SH3KBP1: variants seen among roughly 807,000 people sequenced by gnomAD.
SH3KBP1 encodes SH3 domain-containing kinase-binding protein 1.
In SH3KBP1, 8 loss-of-function variants were observed where a neutral mutation model predicts 50.1. The observed-to-expected ratio is 0.16, with a 90% CI of 0.09 to 0.29. The LOEUF is 0.29. Ranked by LOEUF, SH3KBP1 falls within the 10% of genes least tolerant of loss-of-function variation. SH3KBP1 has a pLI of 1.00. For missense variants in SH3KBP1, 377 were observed against 535.2 expected (o/e 0.70, Z 2.92); for synonymous variants, 227 against 218.6 (o/e 1.04, Z -0.34).
intron 13 of SH3KBP1, among the ~76,000 whole-genome samples, chrX:19,564,303 A>G (rs898205444): frequency 8.9e-6 from 1 of 112,023 alleles, no homozygotes; most frequent in Non-Finnish European, 1.9e-5. Context: ...TGTTGTGTTA[A>G]TGGTCGCTAT....
Position 19,546,059 on chromosome X carries a change from G to A in SH3KBP1, c.1495-9C>T, listed in dbSNP as rs781057846. ...GGGCTTGAAAGGGATGACTGATAAA[G>A]CCAAAAGAAAATGCTTTTGTCAGAA... On this transcript the variant is annotated splice_polypyrimidine_tract_variant and intron_variant, in intron 14 of 17. Coordinates refer to ENST00000397821, the MANE Select transcript of SH3KBP1 (RefSeq NM_031892.3). 8.3e-6 allele frequency: 10 copies of A among 1,210,268 alleles called. No individual in the cohort carries two copies. The South Asian group carries it at 1.6e-4, about 19-fold the overall frequency.
rs779417470 is a variant in SH3KBP1, at chrX:19,836,222, A to G, written c.65T>C (p.Val22Ala). ...AQHDDELTIS[V>A]GEIITNIRKE... ...CCTGATGTTGGTGATGATTTCACCC[A>G]CGCTGATCGTCAGCTCATCATCGTG... The change falls in exon 2 of 18, where the codon GTG (valine) becomes GCG (alanine). Residue 22 changes from valine to alanine, a missense_variant. By Grantham distance (64) the Val-to-Ala change is moderately conservative. Transcript: ENST00000397821. 8.3e-7 allele frequency: 1 copy of G among 1,208,682 alleles called. No individual in the cohort carries two copies. The highest frequency in any genetic ancestry group is 1.1e-6 in the Non-Finnish European group (1 of 894,405).
At chrX:19,827,388 T>C (rs1353354730) in intron 2 of SH3KBP1, among the ~76,000 whole-genome samples, 5 of 111,964 alleles carry the variant, frequency 4.5e-5, no homozygotes. Context: ...GCCTTCCACA[T>C]GTCTATCTGT....
intron 2 of SH3KBP1, among the ~76,000 whole-genome samples, chrX:19,751,917 G>A (rs7892351): frequency 0.029 from 3,270 of 112,372 alleles, 127 homozygotes; most frequent in African/African-American, 0.1. Context: ...TTTCTGATAA[G>A]CTGCGTTGCC....
At chrX:19,880,306 T>C (rs755077260) in intron 1 of SH3KBP1, among the ~76,000 whole-genome samples, 23 of 112,576 alleles carry the variant, frequency 2.0e-4, no homozygotes, top group African/African-American at 5.8e-4. Context: ...TCCATAGTCG[T>C]GGAGAATTGC....
intron 6 of SH3KBP1, among the ~76,000 whole-genome samples, chrX:19,654,244 A>G (rs1471552280): frequency 1.8e-5 from 2 of 111,554 alleles, no homozygotes; most frequent in East Asian, 5.6e-4. Context: ...ACCTCTAGAG[A>G]CCATGTTCTA....
In SH3KBP1 at chrX:19,701,453, C is replaced by T. The variant is rs528044135; in HGVS notation, c.390+5428G>A. 1.3e-4 allele frequency among the ~76,000 whole-genome samples: 15 copies of T among 111,243 alleles called. No individual in the cohort carries two copies. In the South Asian group the frequency reaches 5.4e-3, roughly 40 times the overall value. ...ACCAGCACCTGCTTTCTATACTCTACACCTAAAGTATTAGGGGAGGTCTGC... is the reference window on the plus strand; with the variant it reads ...ACCAGCACCTGCTTTCTATACTCTATACCTAAAGTATTAGGGGAGGTCTGC... On this transcript the variant is annotated intron_variant, in intron 4 of 17. Coordinates refer to ENST00000397821, the MANE Select transcript of SH3KBP1 (RefSeq NM_031892.3).
At chrX:19,699,752 C>A (rs948533339) in intron 4 of SH3KBP1, among the ~76,000 whole-genome samples, 4 of 111,940 alleles carry the variant, frequency 3.6e-5, no homozygotes, top group African/African-American at 1.3e-4. Context: ...GGAGATTGGG[C>A]AAACACCTGG....
chrX:19,626,081 G>C (rs1190593778), intron 8 of SH3KBP1, among the ~76,000 whole-genome samples: 1 of 111,868 alleles, frequency 8.9e-6, no homozygotes, highest in African/African-American at 3.3e-5. Flanking sequence ...GAATGGTGAT[G>C]ATGGTCCCGG....
intron 1 of SH3KBP1, among the ~76,000 whole-genome samples, chrX:19,850,207 CAG>C (rs1245673436): frequency 2.7e-5 from 3 of 111,106 alleles, no homozygotes; most frequent in East Asian, 5.6e-4. Context: ...CTTTTAGAGA[CAG>C]AGTCTTGCTC....
chrX:19,847,500 C>G (rs2068395458), intron 1 of SH3KBP1, among the ~76,000 whole-genome samples: 1 of 111,794 alleles, frequency 8.9e-6, no homozygotes, highest in Non-Finnish European at 1.9e-5. Context: ...GGGATAAAAG[C>G]AGAAGATAAC....
At chrX:19,839,651 T>C (rs888026826) in intron 1 of SH3KBP1, among the ~76,000 whole-genome samples, 1 of 112,564 alleles carries the variant, frequency 8.9e-6, no homozygotes, top group African/African-American at 3.2e-5. Context: ...TAAGTAATCA[T>C]GCACAGCCTC....
chrX:19,805,254 C>A (rs999445267), intron 2 of SH3KBP1, among the ~76,000 whole-genome samples: 1 of 110,713 alleles, frequency 9.0e-6, no homozygotes, highest in Admixed American at 9.7e-5. Context: ...TGCATTACTG[C>A]GCATGTTTAA....
intron 1 of SH3KBP1, among the ~76,000 whole-genome samples, chrX:19,855,400 CAT>C (rs888268557): frequency 8.9e-6 from 1 of 112,566 alleles, no homozygotes; most frequent in African/African-American, 3.2e-5. Context: ...AGACAACAAA[CAT>C]AAATGAGTGA....
chrX:19,751,677 C>T (rs931773739), intron 2 of SH3KBP1, among the ~76,000 whole-genome samples: 1 of 111,737 alleles, frequency 8.9e-6, no homozygotes, highest in Non-Finnish European at 1.9e-5. Flanking sequence ...GACGCTTCAG[C>T]TGTGTCACAA....
chrX:19,799,571 G>T, intron 2 of SH3KBP1: 1 of 1,108,668 alleles, frequency 9.0e-7, no homozygotes, highest in South Asian at 1.8e-5. Flanking sequence ...CAAAGTAGTC[G>T]GGCAACAGGC....
intron 7 of SH3KBP1, among the ~76,000 whole-genome samples, chrX:19,641,889 G>T (rs890735085): frequency 1.8e-5 from 2 of 111,688 alleles, no homozygotes; most frequent in Non-Finnish European, 3.8e-5. Flanking sequence ...ACCCAGACTG[G>T]AGTGCAGTGG....
chrX:19,536,492 A>G (rs1221144968), intron 17 of SH3KBP1, 34 bp from the exon 18 acceptor site: 11 of 965,026 alleles, frequency 1.1e-5, no homozygotes, highest in Non-Finnish European at 1.4e-5. Context: ...GAACAAAGTC[A>G]TAATGAATCG....
chrX:19,863,354 C>T (rs761653983), intron 1 of SH3KBP1, among the ~76,000 whole-genome samples: 1 of 111,505 alleles, frequency 9.0e-6, no homozygotes, highest in African/African-American at 3.3e-5. Flanking sequence ...TGTGCCACCA[C>T]GCCCAGCTAA....
Sources: allele counts gnomAD v4.1 joint callset (sites outside exome capture counted in the v4.1 genomes callset), GRCh38; gene constraint gnomAD v4.1.1; transcripts MANE v1.5; gene names NCBI Gene and HGNC (gene_info 2026-07-23, HGNC 2026-07-21).